SCML2: variants seen among roughly 807,000 people sequenced by gnomAD.
The protein encoded by SCML2 is Scm polycomb group protein like 2.
Under a neutral mutation model 48.4 loss-of-function variants are expected in SCML2, and 6 were observed. That is an observed-to-expected ratio of 0.12 (90% confidence interval 0.07 to 0.24). The LOEUF is 0.24. Ranked by LOEUF, SCML2 falls within the 10% of genes least tolerant of loss-of-function variation. SCML2 has a pLI of 1.00. For missense variants in SCML2, 377 were observed against 528.2 expected (o/e 0.71, Z 2.81); for synonymous variants, 181 against 189.5 (o/e 0.95, Z 0.37).
intron 7 of SCML2, among the ~76,000 whole-genome samples, chrX:18,276,302 A>G (rs1405025431): frequency 1.8e-5 from 2 of 110,306 alleles, no homozygotes; most frequent in South Asian, 3.9e-4. Context: ...TCAAGAAGAA[A>G]AAAAAAAAAA....
chrX:18,269,786 C>A (rs113150284), intron 7 of SCML2, among the ~76,000 whole-genome samples: 23,753 of 110,041 alleles, frequency 0.22, 1,993 homozygotes, highest in Middle Eastern at 0.33. Flanking sequence ...CAATGTTATA[C>A]CCCCAAAACT....
rs188751562 is a variant in SCML2, at chrX:18,319,028, C to G, written c.486+1304G>C. Among the ~76,000 whole-genome samples the G allele has an allele frequency of 2.5e-3, 280 of 111,884 alleles. 1 individual carries two copies. The highest frequency in any genetic ancestry group is 2.2e-3 in the Non-Finnish European group (116 of 53,158). Reference sequence around the variant, plus strand: ...CCTTATAAGAGGAACAAATTGGACACGAATAAACAGACCACGTGAAAACAC... The same window carrying G: ...CCTTATAAGAGGAACAAATTGGACAGGAATAAACAGACCACGTGAAAACAC... On this transcript the variant is annotated intron_variant, in intron 6 of 14. Transcript: ENST00000251900.
intron 7 of SCML2, among the ~76,000 whole-genome samples, chrX:18,282,646 AAACT>A (rs993599468): frequency 9.9e-5 from 11 of 111,525 alleles, no homozygotes; most frequent in African/African-American, 2.6e-4. Context: ...TCAAACAAAC[AAACT>A]AACAAAACCA....
At chrX:18,325,754 T>C (rs186642998) in intron 3 of SCML2, among the ~76,000 whole-genome samples, 1 of 112,062 alleles carries the variant, frequency 8.9e-6, no homozygotes, top group Non-Finnish European at 1.9e-5. Context: ...GACTTGACAG[T>C]AGTAGTGAAC....
At chrX:18,248,566 A>C (rs1268074258) in intron 11 of SCML2, among the ~76,000 whole-genome samples, 2 of 112,354 alleles carry the variant, frequency 1.8e-5, no homozygotes, top group Non-Finnish European at 3.8e-5. Flanking sequence ...CTGGTTCAAA[A>C]TTTTGGCTGA....
At chrX:18,303,995 A>C in intron 7 of SCML2, among the ~76,000 whole-genome samples, 1 of 112,144 alleles carries the variant, frequency 8.9e-6, no homozygotes, top group African/African-American at 3.2e-5. Flanking sequence ...TAGTAGCGTT[A>C]GTTTTTTAAG....
intron 11 of SCML2, among the ~76,000 whole-genome samples, chrX:18,249,991 C>A (rs914770636): frequency 4.5e-5 from 5 of 111,200 alleles, no homozygotes; most frequent in Non-Finnish European, 7.5e-5. Context: ...ACAGACTTTA[C>A]AGAATTAGTC....
At chrX:18,275,516 C>CAT (rs1322259637) in intron 7 of SCML2, among the ~76,000 whole-genome samples, 4 of 112,560 alleles carry the variant, frequency 3.6e-5, no homozygotes, top group Non-Finnish European at 5.6e-5. Context: ...GACCTTATAA[C>CAT]ATCTTATCTT....
intron 7 of SCML2, among the ~76,000 whole-genome samples, chrX:18,287,834 T>G (rs752609401): frequency 7.2e-5 from 8 of 111,432 alleles, no homozygotes; most frequent in Non-Finnish European, 1.1e-4. Context: ...AAAACATGTT[T>G]GTTTTCTACT....
intron 14 of SCML2, 49 bp downstream of exon 14, chrX:18,242,390 G>A (rs758500403): frequency 9.6e-6 from 11 of 1,140,044 alleles, no homozygotes; most frequent in Non-Finnish European, 1.3e-5. Context: ...CTGCACAGAG[G>A]TCATTCAAAG....
chrX:18,305,239 A>G, intron 6 of SCML2, 24 bp from the exon 7 acceptor site: 3 of 1,166,346 alleles, frequency 2.6e-6, no homozygotes, highest in Non-Finnish European at 3.4e-6. Flanking sequence ...AAAAAAAAAA[A>G]AGATTTCATT....
intron 7 of SCML2, among the ~76,000 whole-genome samples, chrX:18,276,499 T>C (rs749953564): frequency 1.1e-4 from 12 of 111,101 alleles, no homozygotes; most frequent in Non-Finnish European, 3.8e-5. Context: ...CATACATACG[T>C]ATACATACAT....
chrX:18,259,528 G>A (rs1178129204), intron 9 of SCML2, among the ~76,000 whole-genome samples: 2 of 111,530 alleles, frequency 1.8e-5, no homozygotes, highest in African/African-American at 6.5e-5. Context: ...TTCAACCCAC[G>A]GTGCTGATGA....
intron 6 of SCML2, among the ~76,000 whole-genome samples, chrX:18,315,101 CAAAAAAAAAAAAA>C (rs761378739): frequency 1.3e-4 from 3 of 23,446 alleles, no homozygotes; most frequent in Non-Finnish European, 1.7e-4. Flanking sequence ...TCTGTCTCAC[CAAAAAAAAAAAAA>C]AAAAAAAAAA....
At chrX:18,252,872 T>C (rs1309176248) in intron 11 of SCML2, among the ~76,000 whole-genome samples, 4 of 112,228 alleles carry the variant, frequency 3.6e-5, no homozygotes, top group African/African-American at 1.3e-4. Context: ...CCATGGGATA[T>C]TTGCCAAGTT....
chrX:18,297,652 G>A (rs1326434711), intron 7 of SCML2, among the ~76,000 whole-genome samples: 1 of 111,167 alleles, frequency 9.0e-6, no homozygotes, highest in African/African-American at 3.3e-5. Context: ...TAATGAAATA[G>A]CTGTAAAAGA....
At chrX:18,311,387 T>C (rs1407891763) in intron 6 of SCML2, among the ~76,000 whole-genome samples, 2 of 102,320 alleles carry the variant, frequency 2.0e-5, no homozygotes, top group African/African-American at 3.6e-5. Flanking sequence ...TTAGAAATGA[T>C]AAATGCTATG....
intron 5 of SCML2, among the ~76,000 whole-genome samples, chrX:18,323,064 A>G (rs753317593): frequency 6.5e-4 from 72 of 111,445 alleles, no homozygotes; most frequent in Admixed American, 1.5e-3. Flanking sequence ...AAAAAAATCC[A>G]TTCTTTTATT....
At chrX:18,319,960 A>G (rs920567038) in intron 6 of SCML2, among the ~76,000 whole-genome samples, 2 of 111,719 alleles carry the variant, frequency 1.8e-5, no homozygotes, top group Non-Finnish European at 3.8e-5. Context: ...CCAGAAACCA[A>G]TGGGATACCA....
Sources: gnomAD v4.1 joint callset for allele counts (sites outside exome capture counted in the v4.1 genomes callset) on GRCh38, gnomAD v4.1.1 for gene constraint, MANE v1.5 for transcripts, NCBI Gene and HGNC (gene_info 2026-07-23, HGNC 2026-07-21) for gene names.